The following CES3 variants were observed in gnomAD, a reference collection of about 807,000 sequenced individuals.
CES3 encodes carboxylesterase 3.
Under a neutral mutation model 57.6 loss-of-function variants are expected in CES3, and 49 were observed. That is an observed-to-expected ratio of 0.85 (90% confidence interval 0.68 to 1.08). The LOEUF (loss-of-function observed/expected upper bound fraction) is 1.08. CES3 is among the 50% of genes least tolerant of loss of function. The pLI is 0.00. For missense variants in CES3, 645 were observed against 742.0 expected, an observed-to-expected ratio of 0.87 and a Z score of 1.52; for synonymous variants, 266 against 281.6, an observed-to-expected ratio of 0.94 and a Z score of 0.55.
Position 66,972,759 on chromosome 16 carries a change from CAG to C in CES3, c.1520+14_1520+15del. Reference sequence around the variant, plus strand: ...TTGCCCGGACAGGGTGAGTGAGTGACAGGGCATAGCTCGCTTTGGGCCTGGGA... The same window carrying C: ...TTGCCCGGACAGGGTGAGTGAGTGACGGCATAGCTCGCTTTGGGCCTGGGA... On this transcript the variant is annotated intron_variant, in intron 12 of 12. Coordinates refer to ENST00000303334, the MANE Select transcript of CES3 (RefSeq NM_024922.6). 1 of 1,614,184 alleles carries C rather than the reference CAG, an allele frequency of 6.2e-7. No individual in the cohort carries two copies. Among genetic ancestry groups the C allele is most frequent in the South Asian group, 1.1e-5 (1 of 91,088 alleles).
In CES3 at chr16:66,974,089, AG is replaced by A. The variant is rs1963892670; in HGVS notation, c.*1041del. On this transcript the variant is annotated 3_prime_UTR_variant, in exon 13 of 13. Coordinates refer to ENST00000303334, the MANE Select transcript of CES3 (RefSeq NM_024922.6). Reference sequence around the variant, plus strand: ...AGGTGAAAAGCACCAAGAGGTTTTCAGATGGAAGTGAGAGGTGACAGTGTGC... The same window carrying A: ...AGGTGAAAAGCACCAAGAGGTTTTCAATGGAAGTGAGAGGTGACAGTGTGC... 6.6e-6 allele frequency: 1 copy of A among 152,380 alleles called. No individual in the cohort carries two copies. The highest frequency in any genetic ancestry group is 2.4e-5 in the African/African-American group (1 of 41,470). 9.4% of individuals were successfully genotyped at this position (152,380 alleles called of 1,614,324 possible).
Position 66,973,370 on chromosome 16 carries a change from C to T in CES3, c.*321C>T, listed in dbSNP as rs1963877637. On this transcript the variant is annotated 3_prime_UTR_variant, in exon 13 of 13. Coordinates refer to ENST00000303334, the MANE Select transcript of CES3 (RefSeq NM_024922.6). Reference sequence around the variant, plus strand: ...CTGCCTTCTCTGGGCTGTGCGGCCCCGAGTCTGCGTCCATTAGAGCACAGT... The same window carrying T: ...CTGCCTTCTCTGGGCTGTGCGGCCCTGAGTCTGCGTCCATTAGAGCACAGT... The T allele has an allele frequency of 7.3e-6, 2 of 272,830 alleles. No homozygotes were observed. The highest frequency in any genetic ancestry group is 7.1e-6 in the Non-Finnish European group (1 of 141,406). The allele number at this position is 272,830 out of a possible 1,614,324, so 16.9% of individuals were successfully genotyped here.
In CES3 at chr16:66,972,468, C is replaced by T. The variant is rs147295166; in HGVS notation, c.1404C>T (p.Phe468=). Residue 468 remains phenylalanine (F), a synonymous_variant, in exon 11 of 13, where the codon TTC becomes TTT. Coordinates refer to ENST00000303334, the MANE Select transcript of CES3 (RefSeq NM_024922.6). Reference sequence around the variant, plus strand: ...ATGGGGCCGAGGGTGCTTTTGTGTTCGGAGGTCCCTTCCTCATGGACGAGA... The same window carrying T: ...ATGGGGCCGAGGGTGCTTTTGTGTTTGGAGGTCCCTTCCTCATGGACGAGA... The part of the protein sequence containing the change: ...ADHGAEGAFV[F]GGPFLMDESS... 27 of 1,613,732 alleles carry T rather than the reference C, an allele frequency of 1.7e-5. No individual in the cohort carries two copies. Among genetic ancestry groups the T allele is most frequent in the African/African-American group, 2.7e-5 (2 of 74,902 alleles).
chr16:66,973,063 C>T lies in CES3; in HGVS notation c.*14C>T. 1 of 1,608,624 alleles carries T rather than the reference C, an allele frequency of 6.2e-7. No individual in the cohort carries two copies. The highest frequency in any genetic ancestry group is 8.5e-7 in the Non-Finnish European group (1 of 1,176,176). ...GAGGACCTCTGAGGCCAGGCCTGAA[C>T]CTTCTTGGCTGGGGCAAACCACTCT... On this transcript the variant is annotated 3_prime_UTR_variant, in exon 13 of 13. Coordinates refer to ENST00000303334, the MANE Select transcript of CES3 (RefSeq NM_024922.6).
At position 66,966,734 on chromosome 16, in the gene CES3, A is replaced by G. The variant is rs1294492202; in HGVS notation, c.931A>G (p.Ile311Val). The change falls in exon 8 of 13, where the codon ATC (isoleucine) becomes GTC (valine). Residue 311 changes from isoleucine (I) to valine (V), a missense_variant. Coordinates refer to ENST00000303334, the MANE Select transcript of CES3 (RefSeq NM_024922.6). ...TTGCTTTCTCCTGCAGAAAAATACT[A>G]TCTATCCTCTCACCGTTGATGGCAC... The part of the protein sequence containing the change: ...LVLSKKLKNT[I>V]YPLTVDGTVF... The G allele has an allele frequency of 9.9e-6, 16 of 1,613,850 alleles. No homozygotes were observed. Among genetic ancestry groups the G allele is most frequent in the Middle Eastern group, 1.6e-4 (1 of 6,084 alleles).
chr16:66,969,559 G>T, intron 8 of CES3, 120 bp from the exon 9 acceptor site: 2 of 885,352 alleles, frequency 2.3e-6, no homozygotes, highest in Non-Finnish European at 3.5e-6. Context: ...GCCCCATTTT[G>T]GCCAAGTGCT....
In CES3 at chr16:66,963,406, G is replaced by A; in HGVS notation, c.287+23G>A. ...AATGTGAGTAGTGCTGGTGGAGGCG[G>A]GCAAACAGGCAGGTTGCAGGAGAAT... On this transcript the variant is annotated intron_variant, in intron 2 of 12. Transcript: ENST00000303334. The surrounding 1 kb of genome is among the most constrained non-coding windows in gnomAD (Gnocchi z 4.9). 6.2e-7 allele frequency: 1 copy of A among 1,611,500 alleles called. No homozygotes were observed. The highest frequency in any genetic ancestry group is 8.5e-7 in the Non-Finnish European group (1 of 1,178,534).
intron 8 of CES3, chr16:66,967,613 C>T: frequency 3.0e-6 from 3 of 985,354 alleles, no homozygotes; most frequent in Non-Finnish European, 3.6e-6. Context: ...ACTGTGCTTT[C>T]ATCCCGAGCA....
intron 8 of CES3, 21 bp downstream of exon 8, chr16:66,966,886 T>G (rs762659719): frequency 6.2e-7 from 1 of 1,613,420 alleles, no homozygotes; most frequent in South Asian, 1.1e-5. Context: ...CCCACCCCTG[T>G]GCCCTTCAAG....
At chr16:66,967,515 T>A (rs1253030818) in intron 8 of CES3, 7 of 985,292 alleles carry the variant, frequency 7.1e-6, no homozygotes, top group Non-Finnish European at 8.4e-6. Flanking sequence ...AACTCTCAGG[T>A]TTTAGATATC....
chr16:66,964,025 C>A, intron 4 of CES3, 90 bp downstream of exon 4: 1 of 1,550,696 alleles, frequency 6.4e-7, no homozygotes, highest in Non-Finnish European at 8.8e-7. Flanking sequence ...GGGTCCGGAA[C>A]CTGAAGGGAG....
rs753325108 is a variant in CES3 at position 66,963,694 on chromosome 16, G to A, written c.426+65G>A. 7.3e-5 allele frequency: 118 copies of A among 1,612,806 alleles called. No homozygotes were observed. Among genetic ancestry groups the A allele is most frequent in the Admixed American group, 5.8e-4 (35 of 59,960 alleles). On this transcript the variant is annotated intron_variant, in intron 3 of 12. Coordinates refer to ENST00000303334, the MANE Select transcript of CES3 (RefSeq NM_024922.6). This position sits in a 1 kb window ranked among gnomAD's most constrained non-coding sequence, Gnocchi z 4.9. ...CACTATGCCTACCTGTCCCCTCCCC[G>A]TCCCTGTTTCCAAAGCACCCTAGCG...
Position 66,964,661 on chromosome 16 carries a change from C to G in CES3, c.753C>G (p.Ala251=), listed in dbSNP as rs767632760. ...TGGCTGCAGGGCTGTTCCACAGAGC[C>G]ATCACACAGAGTGGGGTCATCACCA... is the stretch of plus-strand genomic sequence containing the variant. ...SPVAAGLFHR[A]ITQSGVITTP... Residue 251 remains alanine (A), a synonymous_variant, in exon 6 of 13, where the codon GCC becomes GCG. Transcript: ENST00000303334. 1 of 1,614,108 alleles carries G rather than the reference C, an allele frequency of 6.2e-7. No homozygotes were observed. The highest frequency in any genetic ancestry group is 8.5e-7 in the Non-Finnish European group (1 of 1,179,994).
intron 8 of CES3, 86 bp from the exon 9 acceptor site, chr16:66,969,593 G>A: frequency 7.5e-7 from 1 of 1,327,168 alleles, no homozygotes; most frequent in East Asian, 2.5e-5. Context: ...CTGGCCTCAG[G>A]ACCGTGAACA....
rs1963648159 is a variant in CES3 at position 66,961,320 on chromosome 16, G to A, written c.13G>A (p.Val5Met). Residue 5 changes from valine (V) to methionine (M), a missense_variant, in exon 1 of 13, where the codon GTG becomes ATG. Transcript: ENST00000303334. ...AGTTGTAAGGAGAATGGAGAGAGCAGTGAGAGTGGAGTCCGGGGTCCTGGT... is the reference window on the plus strand; with the variant it reads ...AGTTGTAAGGAGAATGGAGAGAGCAATGAGAGTGGAGTCCGGGGTCCTGGT... The part of the protein sequence containing the change: MERA[V>M]RVESGVLVGV... 3 of 1,613,938 alleles carry A rather than the reference G, an allele frequency of 1.9e-6. No individual in the cohort carries two copies. Among genetic ancestry groups the A allele is most frequent in the Non-Finnish European group, 8.5e-7 (1 of 1,179,936 alleles).
At chr16:66,967,574 T>C in intron 8 of CES3, 1 of 985,420 alleles carries the variant, frequency 1.0e-6, no homozygotes, top group Non-Finnish European at 1.2e-6. Flanking sequence ...CCTTTCCAGG[T>C]GCATAGAACT....
In CES3 at chr16:66,963,618, T is replaced by G; in HGVS notation, c.415T>G (p.Ser139Ala). 6.2e-7 allele frequency: 1 copy of G among 1,614,090 alleles called. No individual in the cohort carries two copies. The change falls in exon 3 of 13, where the codon TCC becomes GCC. Residue 139 changes from serine to alanine, a missense_variant. By Grantham distance (99) the Ser-to-Ala change is moderately conservative. Coordinates refer to ENST00000303334, the MANE Select transcript of CES3 (RefSeq NM_024922.6). The surrounding 1 kb of genome is among the most constrained non-coding windows in gnomAD (Gnocchi z 4.9). ...VYSPAEVPAG[S>A]GRPVMVWVHG... ...TAGCCCAGCTGAGGTCCCCGCAGGG[T>G]CCGGTAGGCCGGTAGGCACCCCAGA... is the stretch of plus-strand genomic sequence containing the variant.
chr16:66,966,118 C>A, intron 6 of CES3, 126 bp from the exon 7 acceptor site: 1 of 813,640 alleles, frequency 1.2e-6, no homozygotes, highest in East Asian at 2.6e-5. Context: ...TGTGACCAGT[C>A]TCGAGGCCGA....
chr16:66,961,454 C>A, intron 1 of CES3, 65 bp downstream of exon 1: 1 of 1,376,918 alleles, frequency 7.3e-7, no homozygotes. Flanking sequence ...GAGACAGGGA[C>A]AGGGAGCAGT....
Sources: gnomAD v4.1 joint callset for allele counts on GRCh38, gnomAD v4.1.1 for gene constraint, Gnocchi (gnomAD v3.1) non-coding constraint, MANE v1.5 for transcripts, NCBI Gene and HGNC (gene_info 2026-07-23, HGNC 2026-07-21) for gene names.